Variants in HLCS observed in about 807,000 individuals in gnomAD.
The protein encoded by HLCS is holocarboxylase synthetase.
A neutral mutation model predicts 75.0 loss-of-function variants in HLCS; 53 were observed. The observed-to-expected ratio is 0.71, with a 90% CI of 0.57 to 0.89. The LOEUF (loss-of-function observed/expected upper bound fraction) is 0.89, where lower values mean the gene tolerates loss of function less well. Ranked by LOEUF, HLCS falls within the 40% of genes least tolerant of loss-of-function variation. The probability of loss-of-function intolerance (pLI) is 0.00; values close to 1 mark genes in which losing one functional copy is unlikely to be tolerated. For missense variants in HLCS, 966 were observed against 1,074.0 expected, an observed-to-expected ratio of 0.90 and a Z score of 1.41; for synonymous variants, 431 against 428.6, an observed-to-expected ratio of 1.01 and a Z score of -0.07.
chr21:36,935,916 C>T (rs1232569233), intron 4 of HLCS, among the ~76,000 whole-genome samples: 1 of 152,116 alleles, frequency 6.6e-6, no homozygotes, highest in African/African-American at 2.4e-5. Context: ...TTTTTCTTTT[C>T]AGCACTTGGA....
intron 6 of HLCS, among the ~76,000 whole-genome samples, chr21:36,888,065 C>T (rs2064548456): frequency 1.3e-5 from 2 of 152,230 alleles, no homozygotes; most frequent in South Asian, 4.1e-4. Context: ...CAGGTCTAAT[C>T]GCTTCCACCT....
At chr21:36,872,963 T>C (rs2063823478) in intron 6 of HLCS, among the ~76,000 whole-genome samples, 1 of 152,224 alleles carries the variant, frequency 6.6e-6, no homozygotes, top group South Asian at 2.1e-4. Flanking sequence ...AAATTGCAGT[T>C]CCTCTACAAC....
At chr21:36,932,660 C>T (rs912114469) in intron 4 of HLCS, among the ~76,000 whole-genome samples, 2 of 152,216 alleles carry the variant, frequency 1.3e-5, no homozygotes, top group Non-Finnish European at 2.9e-5. Context: ...GCAAACTGAG[C>T]TCGTCTGCCT....
intron 2 of HLCS, among the ~76,000 whole-genome samples, chr21:36,954,789 G>A (rs1300572447): frequency 6.6e-6 from 1 of 152,024 alleles, no homozygotes; most frequent in African/African-American, 2.4e-5. Flanking sequence ...ACAGCTGGGT[G>A]TGGTGCCTCA....
At chr21:36,843,623 A>G (rs12151959) in intron 6 of HLCS, among the ~76,000 whole-genome samples, 18,182 of 152,258 alleles carry the variant, frequency 0.12, 1,490 homozygotes, top group Non-Finnish European at 0.18. Flanking sequence ...AGTGAATTCA[A>G]AGTTACTAGT....
intron 5 of HLCS, among the ~76,000 whole-genome samples, chr21:36,921,650 G>A (rs967568072): frequency 2.0e-5 from 3 of 152,060 alleles, no homozygotes; most frequent in African/African-American, 7.2e-5. Flanking sequence ...GATGGGCAAC[G>A]CTGTTCTCCT....
At chr21:36,845,759 G>A (rs1167706661) in intron 6 of HLCS, among the ~76,000 whole-genome samples, 1 of 152,058 alleles carries the variant, frequency 6.6e-6, no homozygotes, top group Non-Finnish European at 1.5e-5. Context: ...TGCTAAGTAG[G>A]TAAAAAAAAG....
chr21:36,779,674 T>G lies in HLCS; in HGVS notation c.1893-12389A>C, dbSNP rs529291496. ...TTTGCCCTTAGCCTGAGGGTATAGA[T>G]TCAAATATTGTATTGAACATTTCCT... On this transcript the variant is annotated intron_variant, in intron 6 of 10. Coordinates refer to ENST00000674895, the MANE Select transcript of HLCS (RefSeq NM_001352514.2). Among the ~76,000 whole-genome samples, 9 of 151,916 alleles carry G rather than the reference T, an allele frequency of 5.9e-5. No homozygotes were observed. The South Asian group carries it at 1.9e-3, about 32-fold the overall frequency.
chr21:36,774,892 T>C (rs2060309627), intron 6 of HLCS, among the ~76,000 whole-genome samples: 1 of 152,260 alleles, frequency 6.6e-6, no homozygotes, highest in Admixed American at 6.5e-5. Context: ...CCCAGGCAGA[T>C]AATAGAACAG....
At chr21:36,848,691 A>G (rs1006022530) in intron 6 of HLCS, among the ~76,000 whole-genome samples, 1 of 152,190 alleles carries the variant, frequency 6.6e-6, no homozygotes, top group African/African-American at 2.4e-5. Context: ...ATTATTGTAG[A>G]CCAATCAATC....
chr21:36,956,088 G>A (rs892622049), intron 2 of HLCS, among the ~76,000 whole-genome samples: 1 of 152,184 alleles, frequency 6.6e-6, no homozygotes, highest in African/African-American at 2.4e-5. Flanking sequence ...CTCACAATGT[G>A]TATCTGTCGT....
chr21:36,817,329 C>A (rs1156503797), intron 6 of HLCS, among the ~76,000 whole-genome samples: 1 of 152,184 alleles, frequency 6.6e-6, no homozygotes, highest in African/African-American at 2.4e-5. Flanking sequence ...AAAACTGAGT[C>A]TTTCCACCAA....
rs1282337417 is a variant in HLCS at position 36,749,992 on chromosome 21, C to CA, written c.*4253dup. 6.6e-6 allele frequency: 1 copy of CA among 152,230 alleles called. No homozygotes were observed. The highest frequency in any genetic ancestry group is 1.5e-5 in the Non-Finnish European group (1 of 68,042). The allele number at this position is 152,230 out of a possible 1,614,324, so 9.4% of individuals were successfully genotyped here. A position where few individuals can be genotyped will look rare whatever the true frequency, so the allele number is the denominator to read the frequency against. Reference sequence around the variant, plus strand: ...ACTAGTGAAAACGTCCTTGTCTAAACAAACTTCGTTTTCATAACCTAGAAC... The same window carrying CA: ...ACTAGTGAAAACGTCCTTGTCTAAACAAAACTTCGTTTTCATAACCTAGAAC... On this transcript the variant is annotated 3_prime_UTR_variant, in exon 11 of 11. Coordinates refer to ENST00000674895, the MANE Select transcript of HLCS (RefSeq NM_001352514.2).
chr21:36,861,428 G>A (rs2063378049), intron 6 of HLCS, among the ~76,000 whole-genome samples: 1 of 152,122 alleles, frequency 6.6e-6, no homozygotes, highest in Non-Finnish European at 1.5e-5. Context: ...GGGTACATGT[G>A]CAGGTTTGTT....
intron 6 of HLCS, among the ~76,000 whole-genome samples, chr21:36,798,101 C>T (rs560170429): frequency 8.5e-5 from 13 of 152,210 alleles, no homozygotes; most frequent in South Asian, 4.2e-4. Context: ...AGGAACGATC[C>T]GGGCAGGGAG....
At chr21:36,988,619 T>G (rs1237913536) in intron 1 of HLCS, among the ~76,000 whole-genome samples, 1 of 152,220 alleles carries the variant, frequency 6.6e-6, no homozygotes, top group African/African-American at 2.4e-5. Flanking sequence ...GTAGTTTTGT[T>G]AAACAATGCT....
Position 36,926,886 on chromosome 21 carries a change from G to C in HLCS, c.1620+3365C>G, listed in dbSNP as rs563205447. On this transcript the variant is annotated intron_variant, in intron 5 of 10. Transcript: ENST00000674895. ...GCCTCCCGAGTAGCTAGGACTACAG[G>C]TATGCGCCACCATGCCTGGCTAATT... Among the ~76,000 whole-genome samples the C allele has an allele frequency of 1.4e-3, 209 of 152,122 alleles. 1 individual carries two copies. The highest frequency in any genetic ancestry group is 4.7e-3 in the African/African-American group (195 of 41,494).
At chr21:36,941,868 G>A (rs550343188) in intron 2 of HLCS, among the ~76,000 whole-genome samples, 48 of 152,254 alleles carry the variant, frequency 3.2e-4, no homozygotes, top group African/African-American at 1.1e-3. Flanking sequence ...TTAGCTGGGC[G>A]TGCTGGCGGG....
chr21:36,836,061 C>T (rs2146074182), intron 6 of HLCS, among the ~76,000 whole-genome samples: 1 of 152,198 alleles, frequency 6.6e-6, no homozygotes, highest in South Asian at 2.1e-4. Context: ...AGTGCCACGT[C>T]CGAACCTTCA....
Sources: allele counts gnomAD v4.1 joint callset (sites outside exome capture counted in the v4.1 genomes callset), GRCh38; gene constraint gnomAD v4.1.1; transcripts MANE v1.5; gene names NCBI Gene and HGNC (gene_info 2026-07-23, HGNC 2026-07-21).